ITSN2: variants seen among roughly 807,000 people sequenced by gnomAD.
The protein encoded by ITSN2 is intersectin-2.
In ITSN2, 156 loss-of-function variants were observed where a neutral mutation model predicts 243.7. The observed-to-expected ratio is 0.64, with a 90% CI of 0.56 to 0.73. The LOEUF is 0.73. ITSN2 is among the 30% of genes least tolerant of loss of function. The pLI, the probability that ITSN2 is intolerant of heterozygous loss-of-function variation, is 0.00. For missense variants in ITSN2, 1,801 were observed against 1,996.1 expected, an observed-to-expected ratio of 0.90 and a Z score of 1.86; for synonymous variants, 703 against 699.9, an observed-to-expected ratio of 1.00 and a Z score of -0.07.
At chr2:24,250,405 T>C (rs1197858441) in intron 25 of ITSN2, among the ~76,000 whole-genome samples, 1 of 152,156 alleles carries the variant, frequency 6.6e-6, no homozygotes, top group African/African-American at 2.4e-5. Context: ...TTTAGAAAAT[T>C]TGTACCTACC....
chr2:24,330,759 AATTTC>A (rs1441500548), intron 1 of ITSN2: 7 of 528,526 alleles, frequency 1.3e-5, no homozygotes, highest in Admixed American at 1.1e-4. Flanking sequence ...AAAAATGCAG[AATTTC>A]ATTTTACTTT....
intron 15 of ITSN2, among the ~76,000 whole-genome samples, chr2:24,290,312 A>G (rs898942233): frequency 7.9e-5 from 12 of 152,194 alleles, no homozygotes; most frequent in African/African-American, 2.9e-4. Flanking sequence ...AGTGATGTCA[A>G]AGAAACATCT....
intron 29 of ITSN2, among the ~76,000 whole-genome samples, chr2:24,229,883 T>A (rs1014022135): frequency 6.6e-6 from 1 of 152,094 alleles, no homozygotes; most frequent in African/African-American, 2.4e-5. Flanking sequence ...ACCTCACTGG[T>A]CTGCCCTTCC....
rs1252680270 is a variant in ITSN2 at position 24,248,849 on chromosome 2, T to C, written c.3154A>G (p.Asn1052Asp). The C allele has an allele frequency of 3.1e-6, 5 of 1,613,842 alleles. No individual in the cohort carries two copies. Among genetic ancestry groups the C allele is most frequent in the Admixed American group, 1.7e-5 (1 of 59,998 alleles). Residue 1052 changes from asparagine to aspartate, a missense_variant, in exon 26 of 40, where the codon AAT becomes GAT. Coordinates refer to ENST00000355123, the MANE Select transcript of ITSN2 (RefSeq NM_006277.3). Reference sequence around the variant, plus strand: ...CTACTATACGTACCAGGTTTTTTATTTGATGCTCCAGACTTGCTAGCACTC... The same window carrying C: ...CTACTATACGTACCAGGTTTTTTATCTGATGCTCCAGACTTGCTAGCACTC... ...FGSASKSGAS[N>D]KKPEIAQVTS...
At chr2:24,341,519 T>A (rs926629803) in intron 1 of ITSN2, among the ~76,000 whole-genome samples, 1 of 152,050 alleles carries the variant, frequency 6.6e-6, no homozygotes, top group Non-Finnish European at 1.5e-5. Context: ...CTGGAGTGAG[T>A]GTAGTTCTAG....
chr2:24,235,427 G>A (rs1380249408), intron 29 of ITSN2, among the ~76,000 whole-genome samples: 1 of 152,148 alleles, frequency 6.6e-6, no homozygotes, highest in East Asian at 1.9e-4. Context: ...TTACCCATTT[G>A]TACAATCCCA....
intron 29 of ITSN2, among the ~76,000 whole-genome samples, chr2:24,224,048 G>A (rs1438174743): frequency 1.2e-5 from 1 of 83,790 alleles, no homozygotes; most frequent in Non-Finnish European, 2.3e-5. Flanking sequence ...ATGTCTGCTT[G>A]ACGAGGCTTT....
intron 27 of ITSN2, among the ~76,000 whole-genome samples, chr2:24,248,112 C>A (rs1558481620): frequency 6.6e-6 from 1 of 152,006 alleles, no homozygotes; most frequent in Non-Finnish European, 1.5e-5. Flanking sequence ...GAGAAGAACC[C>A]TTTTCCTGTA....
At chr2:24,327,633 T>C (rs1394643165) in intron 2 of ITSN2, among the ~76,000 whole-genome samples, 1 of 152,168 alleles carries the variant, frequency 6.6e-6, no homozygotes, top group African/African-American at 2.4e-5. Context: ...ATTAAACAAT[T>C]ATGTATGCAG....
In ITSN2 at chr2:24,308,717, G is replaced by T; in HGVS notation, c.693C>A (p.Pro231=). The T allele has an allele frequency of 6.6e-7, 1 of 1,516,664 alleles. No homozygotes were observed. Among genetic ancestry groups the T allele is most frequent in the Non-Finnish European group, 8.9e-7 (1 of 1,126,280 alleles). 94.0% of individuals were successfully genotyped at this position (1,516,664 alleles called of 1,614,324 possible). A position where few individuals can be genotyped will look rare whatever the true frequency, so the allele number is the denominator to read the frequency against. Residue 231 remains proline (P), a synonymous_variant, in exon 8 of 40, where the codon CCC becomes CCA. Coordinates refer to ENST00000355123, the MANE Select transcript of ITSN2 (RefSeq NM_006277.3). ...CTGCCCACTCTGAGGTCCCAGTCTT[G>T]GGTGAGTTCCCTGAGAGTGAAGCAG... ...SSTASLSGNS[P]KTGTSEWAVP...
chr2:24,206,257 A>G (rs917569366), intron 37 of ITSN2: 4 of 435,640 alleles, frequency 9.2e-6, no homozygotes, highest in Non-Finnish European at 1.4e-5. Context: ...TTAGGAGTAT[A>G]TAACAAAATG....
chr2:24,208,695 G>A (rs367740375), intron 36 of ITSN2, among the ~76,000 whole-genome samples: 3 of 152,228 alleles, frequency 2.0e-5, no homozygotes, highest in African/African-American at 7.2e-5. Context: ...TGGGAACAGC[G>A]GGGATGGCAC....
At chr2:24,222,573 T>TTCA (rs1451744692) in intron 29 of ITSN2, among the ~76,000 whole-genome samples, 2 of 152,120 alleles carry the variant, frequency 1.3e-5, no homozygotes, top group African/African-American at 4.8e-5. Flanking sequence ...TGTGATCCTC[T>TTCA]TCATTTTTCC....
intron 2 of ITSN2, among the ~76,000 whole-genome samples, chr2:24,324,853 CAAAAAAAAAAAAA>C (rs10554094): frequency 1.2e-4 from 7 of 59,288 alleles, no homozygotes; most frequent in African/African-American, 5.4e-4. Flanking sequence ...GACCCTGTCT[CAAAAAAAAAAAAA>C]AAAAAAAAAA....
rs1377338226 is a variant in ITSN2 at position 24,249,744 on chromosome 2, C to G, written c.3121-862G>C. ...TAACTTGTCCAAGGTCACCCAGGCT[C>G]TAAGTGTTACAGCTAAGAGTCAACC... On this transcript the variant is annotated intron_variant, in intron 25 of 39. Coordinates refer to ENST00000355123, the MANE Select transcript of ITSN2 (RefSeq NM_006277.3). The surrounding 1 kb of genome is among the most constrained non-coding windows in gnomAD (Gnocchi z 4.4). Among the ~76,000 whole-genome samples the G allele has an allele frequency of 6.6e-6, 1 of 152,202 alleles. No individual in the cohort carries two copies. Among genetic ancestry groups the G allele is most frequent in the Non-Finnish European group, 1.5e-5 (1 of 68,026 alleles).
rs867297726 is a variant in ITSN2 at position 24,211,082 on chromosome 2, G to A, written c.4090-135C>T. ...CTGGAAACGCGGCGGTGAACAAGAC[G>A]ACACTTTCCGCCCTTGAGAAACTCG... On this transcript the variant is annotated intron_variant, in intron 33 of 39. Coordinates refer to ENST00000355123, the MANE Select transcript of ITSN2 (RefSeq NM_006277.3). The surrounding 1 kb of genome is among the most constrained non-coding windows in gnomAD (Gnocchi z 4.1). 9 of 752,212 alleles carry A rather than the reference G, an allele frequency of 1.2e-5. No individual in the cohort carries two copies. Among genetic ancestry groups the A allele is most frequent in the African/African-American group, 1.8e-5 (1 of 57,050 alleles). 46.6% of individuals were successfully genotyped at this position (752,212 alleles called of 1,614,324 possible). A position where few individuals can be genotyped will look rare whatever the true frequency, so the allele number is the denominator to read the frequency against.
Position 24,246,330 on chromosome 2 carries a change from G to A in ITSN2, c.3386-10C>T. On this transcript the variant is annotated splice_polypyrimidine_tract_variant and intron_variant, in intron 28 of 39. Coordinates refer to ENST00000355123, the MANE Select transcript of ITSN2 (RefSeq NM_006277.3). ...GCAATCACCTGACATACTATCACAAGAATAACAAAATAACACATTAAACAA... is the reference window on the plus strand; with the variant it reads ...GCAATCACCTGACATACTATCACAAAAATAACAAAATAACACATTAAACAA... 6.4e-7 allele frequency: 1 copy of A among 1,560,670 alleles called. No homozygotes were observed. The highest frequency in any genetic ancestry group is 1.1e-5 in the South Asian group (1 of 87,562).
intron 29 of ITSN2, among the ~76,000 whole-genome samples, chr2:24,222,235 G>A (rs1214921778): frequency 9.8e-6 from 1 of 102,036 alleles, no homozygotes; most frequent in Non-Finnish European, 1.8e-5. Context: ...CTGGGCAAAA[G>A]AGCAAGACTT....
In ITSN2 at chr2:24,211,704, G is replaced by C. The variant is rs1399314571; in HGVS notation, c.4090-757C>G. On this transcript the variant is annotated intron_variant, in intron 33 of 39. Coordinates refer to ENST00000355123, the MANE Select transcript of ITSN2 (RefSeq NM_006277.3). The surrounding 1 kb of genome is among the most constrained non-coding windows in gnomAD (Gnocchi z 4.1). The stretch of plus-strand genomic sequence containing the variant: ...GTGGCAAAATCTGACCTAAACAGAA[G>C]AGATATATTTACTTACTCTTACAGT... Among the ~76,000 whole-genome samples the C allele has an allele frequency of 6.6e-6, 1 of 152,158 alleles. No homozygotes were observed. The highest frequency in any genetic ancestry group is 1.5e-5 in the Non-Finnish European group (1 of 68,034).
Sources: allele counts gnomAD v4.1 joint callset (sites outside exome capture counted in the v4.1 genomes callset), GRCh38; gene constraint gnomAD v4.1.1; non-coding constraint Gnocchi (gnomAD v3.1); transcripts MANE v1.5; gene names NCBI Gene and HGNC (gene_info 2026-07-23, HGNC 2026-07-21).